TEAD3: variants seen among roughly 807,000 people sequenced by gnomAD.
TEAD3 encodes the protein transcriptional enhancer factor TEF-5.
In TEAD3, 15 loss-of-function variants were observed where a neutral mutation model predicts 55.6. That is an observed-to-expected ratio of 0.27 (90% confidence interval 0.18 to 0.42). TEAD3 has a LOEUF of 0.42. TEAD3 is among the 10% of genes least tolerant of loss of function. The probability of loss-of-function intolerance (pLI) is 1.00; values close to 1 mark genes in which losing one functional copy is unlikely to be tolerated. For synonymous variants in TEAD3, 210 were observed against 232.2 expected (o/e 0.90, Z 0.87); for missense variants, 407 against 576.8 (o/e 0.71, Z 3.01).
At chr6:35,481,361 T>C (rs186422832) in intron 3 of TEAD3, among the ~76,000 whole-genome samples, 132 of 152,242 alleles carry the variant, frequency 8.7e-4, no homozygotes, top group Admixed American at 1.8e-3. Flanking sequence ...GCTTTCAGCA[T>C]TGGCAATTGG....
chr6:35,475,146 G>C lies in TEAD3; in HGVS notation c.1206C>G (p.Ser402Arg), dbSNP rs1365321955. 1 of 1,581,412 alleles carries C rather than the reference G, an allele frequency of 6.3e-7. No individual in the cohort carries two copies. Among genetic ancestry groups the C allele is most frequent in the Non-Finnish European group, 8.6e-7 (1 of 1,163,324 alleles). The stretch of plus-strand genomic sequence containing the variant: ...CAAGCAGGGTCTCCTGGGAGTCCCG[G>C]CTCGTGACCACCTGGGGGGTGAGCA... The change falls in exon 13 of 13, where the codon AGC becomes AGG. Residue 402 changes from serine (S) to arginine (R), a missense_variant. Coordinates refer to ENST00000639578, the Ensembl canonical transcript of TEAD3. This position sits in a 1 kb window ranked among gnomAD's most constrained non-coding sequence, Gnocchi z 5.4.
rs1288497243 is a variant in TEAD3, at chr6:35,486,004, TC to T, written c.202+456del. Among the ~76,000 whole-genome samples, 1 of 151,940 alleles carries T rather than the reference TC, an allele frequency of 6.6e-6. No individual in the cohort carries two copies. Among genetic ancestry groups the T allele is most frequent in the Non-Finnish European group, 1.5e-5 (1 of 67,970 alleles). On this transcript the variant is annotated intron_variant, in intron 2 of 12. Coordinates refer to ENST00000639578, the Ensembl canonical transcript of TEAD3. This position sits in a 1 kb window ranked among gnomAD's most constrained non-coding sequence, Gnocchi z 7.3. ...GGAAGGGGACTGAGGAGGGAACGCG[TC>T]CCCACAGCCCCAACGCAGGCCTTTG...
Position 35,486,433 on chromosome 6 carries a change from A to G in TEAD3, c.202+28T>C, listed in dbSNP as rs1581726846. 3.1e-6 allele frequency: 5 copies of G among 1,593,594 alleles called. No homozygotes were observed. Among genetic ancestry groups the G allele is most frequent in the Non-Finnish European group, 3.4e-6 (4 of 1,166,624 alleles). ...GGCAGAGAGCAGGGGGAAGGGCCGC[A>G]GTCCCGCCCGCGCCCCCCGGCACGC... is the stretch of plus-strand genomic sequence containing the variant. On this transcript the variant is annotated intron_variant, in intron 2 of 12. Coordinates refer to ENST00000639578, the Ensembl canonical transcript of TEAD3. This position sits in a 1 kb window ranked among gnomAD's most constrained non-coding sequence, Gnocchi z 7.3.
At chr6:35,495,154 C>T (rs1175572343) in intron 1 of TEAD3, among the ~76,000 whole-genome samples, 1 of 152,216 alleles carries the variant, frequency 6.6e-6, no homozygotes, top group African/African-American at 2.4e-5. Flanking sequence ...CGGAGGGGAC[C>T]AGATCCCTAT....
chr6:35,495,227 CG>C (rs1768615965), intron 1 of TEAD3, among the ~76,000 whole-genome samples: 2 of 152,324 alleles, frequency 1.3e-5, no homozygotes, highest in South Asian at 4.1e-4. Flanking sequence ...CAAATCCTCC[CG>C]GTTTTAACAT....
intron 5 of TEAD3, 139 bp downstream of exon 5, chr6:35,479,166 C>T: frequency 1.8e-6 from 2 of 1,111,860 alleles, no homozygotes; most frequent in Non-Finnish European, 2.6e-6. Context: ...GCGTGAGCCA[C>T]CACGCCCAGC....
In TEAD3 at chr6:35,491,832, C is replaced by T. The variant is rs897379222; in HGVS notation, c.-50+5066G>A. On this transcript the variant is annotated intron_variant, in intron 1 of 12. Transcript: ENST00000639578. The surrounding 1 kb of genome is among the most constrained non-coding windows in gnomAD (Gnocchi z 4.4). ...TAAGGGGCACCTTGCTGCCCACCCC[C>T]ACCCTGGGGCAAGACCTGCTGGAAG... Among the ~76,000 whole-genome samples the T allele has an allele frequency of 6.6e-6, 1 of 152,204 alleles. No homozygotes were observed. The highest frequency in any genetic ancestry group is 2.4e-5 in the African/African-American group (1 of 41,446).
At position 35,479,255 on chromosome 6, in the gene TEAD3, G is replaced by T. The variant is rs904181438; in HGVS notation, c.342+50C>A. 3.7e-6 allele frequency: 6 copies of T among 1,604,494 alleles called. No individual in the cohort carries two copies. The Admixed American group carries it at 6.7e-5, about 18-fold the overall frequency. On this transcript the variant is annotated intron_variant, in intron 5 of 12. Coordinates refer to ENST00000639578, the Ensembl canonical transcript of TEAD3. ...CTGTCATTTGAAAATCCTGTATTAG[G>T]TGTTAAGACCCTTTCCCCCACTCCC... is the stretch of plus-strand genomic sequence containing the variant.
At chr6:35,487,292 G>A (rs1438223987) in intron 1 of TEAD3, among the ~76,000 whole-genome samples, 2 of 152,084 alleles carry the variant, frequency 1.3e-5, no homozygotes, top group Non-Finnish European at 2.9e-5. Context: ...AGTGGCACAT[G>A]CCTATAATCC....
chr6:35,479,561 A>T (rs1194273170), intron 4 of TEAD3, among the ~76,000 whole-genome samples: 1 of 152,184 alleles, frequency 6.6e-6, no homozygotes, highest in African/African-American at 2.4e-5. Context: ...TATGTTCTGG[A>T]ACTAGGCTCT....
At chr6:35,490,153 C>CA (rs1396048561) in intron 1 of TEAD3, among the ~76,000 whole-genome samples, 1 of 152,198 alleles carries the variant, frequency 6.6e-6, no homozygotes, top group African/African-American at 2.4e-5. Context: ...CTGCCTCCCC[C>CA]AAGTCCCTGC....
chr6:35,492,113 C>T (rs1388774322), intron 1 of TEAD3, among the ~76,000 whole-genome samples: 1 of 152,238 alleles, frequency 6.6e-6, no homozygotes, highest in Non-Finnish European at 1.5e-5. Flanking sequence ...GGTCTAGCAG[C>T]CAGCAGTCCA....
exon 8 of TEAD3, chr6:35,477,313 C>A: frequency 1.2e-6 from 2 of 1,608,808 alleles, no homozygotes; most frequent in Non-Finnish European, 1.7e-6. Flanking sequence ...GAACTTACTG[C>A]TGAGCGTCGG....
chr6:35,493,327 C>T (rs112662340), intron 1 of TEAD3, among the ~76,000 whole-genome samples: 4,791 of 152,046 alleles, frequency 0.032, 100 homozygotes, highest in African/African-American at 0.056. Context: ...AGATGCCACA[C>T]GTCAGGGACC....
Position 35,496,857 on chromosome 6 carries a change from T to A in TEAD3, c.-50+41A>T, listed in dbSNP as rs1768679997. The A allele has an allele frequency of 6.6e-6, 1 of 150,970 alleles. No homozygotes were observed. Among genetic ancestry groups the A allele is most frequent in the Non-Finnish European group, 1.5e-5 (1 of 67,842 alleles). The allele number at this position is 150,970 out of a possible 1,614,324, so 9.4% of individuals were successfully genotyped here. ...AGCCCAGCCGACCAACCAAACCACC[T>A]CTCCCGAGCGGGGCCTCCTCCCGGC... On this transcript the variant is annotated intron_variant, in intron 1 of 12. Transcript: ENST00000639578. The surrounding 1 kb of genome is among the most constrained non-coding windows in gnomAD (Gnocchi z 4.8).
chr6:35,475,699 A>G lies in TEAD3; in HGVS notation c.908T>C (p.Leu303Pro). ...CGGGCCCTCCTGGATGGTGCTGTTG[A>G]GGTCGGCCTGGGCATGGGGGTGGGG... is the stretch of plus-strand genomic sequence containing the variant. The change falls in exon 11 of 13, where the codon CTC (leucine) becomes CCC (proline). Residue 303 changes from leucine (L) to proline (P), a missense_variant. Leu to Pro is a moderately conservative substitution (Grantham distance 98). Coordinates refer to ENST00000639578, the Ensembl canonical transcript of TEAD3. This position sits in a 1 kb window ranked among gnomAD's most constrained non-coding sequence, Gnocchi z 5.4. 1 of 1,594,828 alleles carries G rather than the reference A, an allele frequency of 6.3e-7. No individual in the cohort carries two copies. The highest frequency in any genetic ancestry group is 1.1e-5 in the South Asian group (1 of 88,804).
rs1047616296 is a variant in TEAD3, at chr6:35,496,188, C to T, written c.-50+710G>A. Among the ~76,000 whole-genome samples the T allele has an allele frequency of 3.3e-5, 5 of 152,198 alleles. No individual in the cohort carries two copies. Among genetic ancestry groups the T allele is most frequent in the Non-Finnish European group, 5.9e-5 (4 of 68,036 alleles). Reference sequence around the variant, plus strand: ...AACCTTGTCAAGTCTAAACAAGGGCCCTGAGCAAGTGTGGGGAAGAAAAGG... The same window carrying T: ...AACCTTGTCAAGTCTAAACAAGGGCTCTGAGCAAGTGTGGGGAAGAAAAGG... On this transcript the variant is annotated intron_variant, in intron 1 of 12. Transcript: ENST00000639578. This position sits in a 1 kb window ranked among gnomAD's most constrained non-coding sequence, Gnocchi z 4.8.
At chr6:35,494,041 C>T (rs774505784) in intron 1 of TEAD3, among the ~76,000 whole-genome samples, 1 of 152,210 alleles carries the variant, frequency 6.6e-6, no homozygotes, top group African/African-American at 2.4e-5. Flanking sequence ...GTCACACACA[C>T]GAATGTCACA....
Position 35,486,319 on chromosome 6 carries a change from G to C in TEAD3, c.202+142C>G. ...GCTTGTTTATGAGGAGGAGCGCGGA[G>C]GAGGATCCAGACACACAGGCTTGCG... On this transcript the variant is annotated intron_variant, in intron 2 of 12. Transcript: ENST00000639578. This position sits in a 1 kb window ranked among gnomAD's most constrained non-coding sequence, Gnocchi z 7.3. The C allele has an allele frequency of 3.0e-6, 3 of 1,006,676 alleles. No individual in the cohort carries two copies. The highest frequency in any genetic ancestry group is 1.6e-5 in the African/African-American group (1 of 61,438). 62.4% of individuals were successfully genotyped at this position (1,006,676 alleles called of 1,614,324 possible).
Sources: gnomAD v4.1 joint callset for allele counts (sites outside exome capture counted in the v4.1 genomes callset) on GRCh38, gnomAD v4.1.1 for gene constraint, Gnocchi (gnomAD v3.1) non-coding constraint, MANE v1.5 for transcripts, NCBI Gene and HGNC (gene_info 2026-07-23, HGNC 2026-07-21) for gene names.